Variants in HIVEP1 observed in about 807,000 individuals in gnomAD.
HIVEP1 encodes zinc finger protein 40.
Under a neutral mutation model 180.0 loss-of-function variants are expected in HIVEP1, and 36 were observed. The ratio of observed to expected loss-of-function variants is 0.20; its 90% confidence interval spans 0.15 to 0.26. The LOEUF (loss-of-function observed/expected upper bound fraction) is 0.26. Ranked by LOEUF, HIVEP1 falls within the 10% of genes least tolerant of loss-of-function variation. The pLI is 1.00. For missense variants in HIVEP1, 3,143 were observed against 3,268.7 expected, an observed-to-expected ratio of 0.96 and a Z score of 0.94; for synonymous variants, 1,239 against 1,239.0, an observed-to-expected ratio of 1.00 and a Z score of 0.00.
chr6:12,115,310 A>C (rs1012892858), intron 3 of HIVEP1, among the ~76,000 whole-genome samples: 1 of 151,186 alleles, frequency 6.6e-6, no homozygotes, highest in African/African-American at 2.4e-5. Context: ...GTGACTTCAC[A>C]TAGAACACAG....
downstream of HIVEP1, among the ~76,000 whole-genome samples, chr6:12,168,334 A>C (rs1028456892): frequency 7.6e-6 from 1 of 131,646 alleles, no homozygotes; most frequent in African/African-American, 2.7e-5. Flanking sequence ...ATATTATATA[A>C]TTATATATAC....
At position 12,111,217 on chromosome 6, in the gene HIVEP1, C is replaced by G. The variant is rs117250743; in HGVS notation, c.95-8673C>G. On this transcript the variant is annotated intron_variant, in intron 3 of 8. Transcript: ENST00000379388. ...GAATTAGAAAAAATATGTCACACAC[C>G]AGAAGTGAGTGCATATGTTTGGAGA... Among the ~76,000 whole-genome samples, 22 of 152,258 alleles carry G rather than the reference C, an allele frequency of 1.4e-4. No individual in the cohort carries two copies. The East Asian group carries it at 4.2e-3, about 29-fold the overall frequency.
intron 2 of HIVEP1, among the ~76,000 whole-genome samples, chr6:12,069,330 A>G (rs1461906877): frequency 1.3e-5 from 2 of 152,190 alleles, no homozygotes; most frequent in East Asian, 3.8e-4. Flanking sequence ...GACACTTACC[A>G]TGAATAGAGC....
chr6:12,210,538 GA>G, the HIVEP1 span, among the ~76,000 whole-genome samples: 2 of 152,050 alleles, frequency 1.3e-5, no homozygotes, highest in Non-Finnish European at 2.9e-5. Context: ...TAAAAAAATA[GA>G]AAAAAATCTA....
At chr6:12,201,229 CA>C in the HIVEP1 span, among the ~76,000 whole-genome samples, 5 of 152,200 alleles carry the variant, frequency 3.3e-5, no homozygotes, top group African/African-American at 1.2e-4. Flanking sequence ...ATAATCTCAG[CA>C]CTTTGGGAGG....
At chr6:12,098,267 GTATT>G (rs1168208573) in intron 3 of HIVEP1, among the ~76,000 whole-genome samples, 3 of 152,180 alleles carry the variant, frequency 2.0e-5, no homozygotes, top group African/African-American at 4.8e-5. Flanking sequence ...GAAAGATAAA[GTATT>G]TAAGGTAATG....
chr6:12,127,295 A>T (rs1186508806), intron 4 of HIVEP1, among the ~76,000 whole-genome samples: 1 of 152,246 alleles, frequency 6.6e-6, no homozygotes, highest in Non-Finnish European at 1.5e-5. Context: ...AAATCAAATC[A>T]TGTGTATGGT....
chr6:12,131,026 C>A, intron 6 of HIVEP1, 84 bp downstream of exon 6: 1 of 908,936 alleles, frequency 1.1e-6, no homozygotes, highest in Non-Finnish European at 1.7e-6. Context: ...TTTCTTTGAC[C>A]GATGAAATAG....
intron 2 of HIVEP1, among the ~76,000 whole-genome samples, chr6:12,068,509 C>T (rs56050214): frequency 0.21 from 32,428 of 152,042 alleles, 4,156 homozygotes; most frequent in Middle Eastern, 0.31. Context: ...TTAAAATATT[C>T]TTAATTTGGA....
chr6:12,156,240 C>T (rs1475161688), intron 7 of HIVEP1, among the ~76,000 whole-genome samples: 1 of 152,146 alleles, frequency 6.6e-6, no homozygotes, highest in Non-Finnish European at 1.5e-5. Flanking sequence ...TGTGCAGAAG[C>T]TCTGCAGTTT....
chr6:12,065,381 G>A (rs1333740611), intron 2 of HIVEP1, among the ~76,000 whole-genome samples: 2 of 152,196 alleles, frequency 1.3e-5, no homozygotes, highest in Non-Finnish European at 2.9e-5. Flanking sequence ...GCACACTGGA[G>A]TGCTCCCAGT....
downstream of HIVEP1, among the ~76,000 whole-genome samples, chr6:12,167,678 ATG>A (rs1237927745): frequency 1.4e-3 from 30 of 21,230 alleles, no homozygotes; most frequent in East Asian, 2.5e-3. Flanking sequence ...ATATACATAT[ATG>A]TGTATAATAT....
chr6:12,122,103 C>A lies in HIVEP1; in HGVS notation c.2308C>A (p.Arg770=). The change falls in exon 4 of 9, where the codon CGG becomes AGG. Residue 770 remains arginine (R), a synonymous_variant. Transcript: ENST00000379388. ...DDKQLDSVKP[R]RTSLSRRGSI... ...CAAGCAACTGGATAGTGTGAAGCCGCGGAGAACCTCACTGTCAAGACGAGG... is the reference window on the plus strand; with the variant it reads ...CAAGCAACTGGATAGTGTGAAGCCGAGGAGAACCTCACTGTCAAGACGAGG... The A allele has an allele frequency of 6.2e-7, 1 of 1,614,162 alleles. No individual in the cohort carries two copies. The highest frequency in any genetic ancestry group is 8.5e-7 in the Non-Finnish European group (1 of 1,180,010).
intron 3 of HIVEP1, among the ~76,000 whole-genome samples, chr6:12,115,350 C>CTTTTTTTTTTTTTTTTTTTT (rs34074662): frequency 1.3e-5 from 1 of 75,292 alleles, no homozygotes; most frequent in African/African-American, 5.4e-5. Flanking sequence ...CCCAACTATT[C>CTTTTTTTTTTTTTTTTTTTT]TTTTTTTTTT....
chr6:12,042,172 C>T (rs1395088616), intron 2 of HIVEP1, among the ~76,000 whole-genome samples: 6 of 150,096 alleles, frequency 4.0e-5, no homozygotes, highest in Non-Finnish European at 7.4e-5. Flanking sequence ...CTCCGCTTCC[C>T]GGGTTCACGC....
At chr6:12,137,818 G>C (rs912053141) in intron 7 of HIVEP1, among the ~76,000 whole-genome samples, 1 of 151,968 alleles carries the variant, frequency 6.6e-6, no homozygotes, top group Non-Finnish European at 1.5e-5. Context: ...AAATGATCTT[G>C]TTTTATTGTG....
chr6:12,017,513 C>T (rs937900554), intron 2 of HIVEP1, among the ~76,000 whole-genome samples: 1 of 152,126 alleles, frequency 6.6e-6, no homozygotes, highest in South Asian at 2.1e-4. Context: ...CTTCCACAGT[C>T]TGCAAGGGGA....
At position 12,120,683 on chromosome 6, in the gene HIVEP1, A is replaced by C; in HGVS notation, c.888A>C (p.Gln296His). Residue 296 changes from glutamine (Q) to histidine (H), a missense_variant, in exon 4 of 9, where the codon CAA (glutamine) becomes CAC (histidine). Around this residue, in one of 12 missense-constraint regions of HIVEP1, gnomAD observed 306 missense variants for 310.6 expected, o/e 0.99. Coordinates refer to ENST00000379388, the MANE Select transcript of HIVEP1 (RefSeq NM_002114.4). ...QHEHFVPKSN[Q>H]HNQQLPGCSG... ...AACACTTTGTTCCCAAATCCAACCA[A>C]CATAATCAACAGCTTCCGGGGTGTT... is the stretch of plus-strand genomic sequence containing the variant. 6.2e-7 allele frequency: 1 copy of C among 1,614,154 alleles called. No homozygotes were observed. The highest frequency in any genetic ancestry group is 1.3e-5 in the African/African-American group (1 of 75,032).
upstream of HIVEP1, among the ~76,000 whole-genome samples, chr6:12,011,816 G>GGGCGTCCCGCGCCCCTCGCCCC (rs1767335088): frequency 6.8e-6 from 1 of 147,130 alleles, no homozygotes; most frequent in African/African-American, 2.5e-5. Flanking sequence ...CCCGGCGCCT[G>GGGCGTCCCGCGCCCCTCGCCCC]GGCGTCCCGC....
Sources: allele counts gnomAD v4.1 joint callset (sites outside exome capture counted in the v4.1 genomes callset), GRCh38; gene constraint gnomAD v4.1.1; regional missense constraint gnomAD v4.1.1; transcripts MANE v1.5; gene names NCBI Gene and HGNC (gene_info 2026-07-23, HGNC 2026-07-21).